TMEM223: variants seen among roughly 807,000 people sequenced by gnomAD.
TMEM223 encodes the protein transmembrane protein 223.
In TMEM223, 14 loss-of-function variants were observed where a neutral mutation model predicts 14.1. The observed-to-expected ratio is 0.99, with a 90% confidence interval of 0.66 to 1.55. The LOEUF is 1.55. Ranked by LOEUF, TMEM223 falls within the 40% of genes most tolerant of loss-of-function variation. TMEM223 has a pLI of 0.00. For synonymous variants in TMEM223, 145 were observed against 120.5 expected (o/e 1.20, Z -1.33); for missense variants, 346 against 269.9 (o/e 1.28, Z -1.97).
chr11:62,783,481 C>CAA (rs1038569482), downstream of TMEM223, among the ~76,000 whole-genome samples: 5 of 72,280 alleles, frequency 6.9e-5, no homozygotes, highest in Non-Finnish European at 1.1e-4. Context: ...GACTCTGTCT[C>CAA]AAAAAAAAAA....
At chr11:62,786,650 G>C, downstream of TMEM223, 2 of 1,605,056 alleles carry the variant, frequency 1.2e-6, no homozygotes, top group Non-Finnish European at 1.7e-6. Context: ...TCGTCCTCCG[G>C]GGGCGGTGCA....
At chr11:62,789,237 G>T, downstream of TMEM223, 1 of 1,613,874 alleles carries the variant, frequency 6.2e-7, no homozygotes. Flanking sequence ...GAGGGCCAGG[G>T]GCTGAGGTAG....
At position 62,790,441 on chromosome 11, in the gene TMEM223, G is replaced by GTT. The variant is rs370883948; in HGVS notation, c.*180_*181dup. On this transcript the variant is annotated 3_prime_UTR_variant, in exon 2 of 2. Transcript: ENST00000307366. The stretch of plus-strand genomic sequence containing the variant: ...CATTCTAAGATTGGCGTTTTTTTTT[G>GTT]TTTTTTTTTTTGTAAATAGAGACAA... The GTT allele has an allele frequency of 2.9e-3, 1,300 of 450,088 alleles. No homozygotes were observed. Among genetic ancestry groups the GTT allele is most frequent in the South Asian group, 4.7e-3 (146 of 30,912 alleles). 27.9% of individuals were successfully genotyped at this position (450,088 alleles called of 1,614,324 possible).
At chr11:62,780,902 A>G (rs1391308255) in intron 1 of TMEM223, among the ~76,000 whole-genome samples, 1 of 143,046 alleles carries the variant, frequency 7.0e-6, no homozygotes, top group Non-Finnish European at 1.5e-5. Flanking sequence ...GCGCCACCGC[A>G]CTCCAGCCTG....
In TMEM223 at chr11:62,791,722, G is replaced by A. The variant is rs1013998907; in HGVS notation, c.273C>T (p.Ser91=). 6.4e-7 allele frequency: 1 copy of A among 1,553,252 alleles called. No individual in the cohort carries two copies. The highest frequency in any genetic ancestry group is 8.7e-7 in the Non-Finnish European group (1 of 1,148,282). Residue 91 remains serine (S), a synonymous_variant, in exon 1 of 2, where the codon TCC becomes TCT. Coordinates refer to ENST00000307366, the MANE Select transcript of TMEM223 (RefSeq NM_001080501.3). ...CGGCCAGACCGTAGCGCCAGAGCGC[G>A]GAGCGCAGGTCGAAGGGGCCACGAT... ...VPNRGPFDLR[S]ALWRYGLAVG...
chr11:62,776,144 C>T (rs1483019163), intron 1 of TMEM223, among the ~76,000 whole-genome samples: 1 of 152,150 alleles, frequency 6.6e-6, no homozygotes, highest in East Asian at 1.9e-4. Flanking sequence ...TCACAACAGC[C>T]CTGTTGGGCA....
At chr11:62,784,811 C>T (rs2084258239), downstream of TMEM223, among the ~76,000 whole-genome samples, 1 of 152,116 alleles carries the variant, frequency 6.6e-6, no homozygotes. Context: ...TTTTATTGGA[C>T]TGTAATGCAT....
chr11:62,777,917 G>A (rs1374515615), intron 1 of TMEM223: 1 of 1,584,260 alleles, frequency 6.3e-7, no homozygotes, highest in Non-Finnish European at 8.6e-7. Flanking sequence ...GCCTCATCCT[G>A]GATCCTGACG....
rs765532603 is a variant in TMEM223 at position 62,791,953 on chromosome 11, G to T, written c.42C>A (p.Ala14=). The T allele has an allele frequency of 1.9e-6, 3 of 1,582,768 alleles. No homozygotes were observed. Among genetic ancestry groups the T allele is most frequent in the Non-Finnish European group, 2.6e-6 (3 of 1,164,058 alleles). Residue 14 remains alanine (A), a synonymous_variant, in exon 1 of 2, where the codon GCC becomes GCA. Coordinates refer to ENST00000307366, the MANE Select transcript of TMEM223 (RefSeq NM_001080501.3). ...PWRRWPTGLL[A]VLRPLLTCRP... is the part of the protein sequence containing the mutation. ...GGCAGGTGAGCAGGGGCCGCAGCAC[G>T]GCTAGCAGCCCCGTGGGCCATCGCC...
At chr11:62,782,319 C>G (rs1225393355) in intron 1 of TMEM223, 1 of 1,613,668 alleles carries the variant, frequency 6.2e-7, no homozygotes, top group East Asian at 2.2e-5. Flanking sequence ...CCCTCCTGCT[C>G]AGCCACATCT....
At chr11:62,786,626 T>G (rs772395054), downstream of TMEM223, 27 of 1,601,844 alleles carry the variant, frequency 1.7e-5, no homozygotes, top group Non-Finnish European at 2.2e-5. Flanking sequence ...TGGGACAGCC[T>G]TCTCTTTCAA....
chr11:62,790,698 G>A lies in TMEM223; in HGVS notation c.534C>T (p.Phe178=), dbSNP rs2084350540. The A allele has an allele frequency of 6.8e-6, 11 of 1,612,146 alleles. No homozygotes were observed. Among genetic ancestry groups the A allele is most frequent in the Non-Finnish European group, 9.3e-6 (11 of 1,179,038 alleles). ...PLKVKGRRFY[F]LLDKTGHFPN... Reference sequence around the variant, plus strand: ...GGAAGTGTCCAGTTTTGTCCAAGAGGAAATAGAAGCGTCGGCCTTTGACTT... The same window carrying A: ...GGAAGTGTCCAGTTTTGTCCAAGAGAAAATAGAAGCGTCGGCCTTTGACTT... Residue 178 remains phenylalanine (F), a synonymous_variant, in exon 2 of 2, where the codon TTC becomes TTT. Transcript: ENST00000307366.
At chr11:62,787,151 G>T (rs755464500), downstream of TMEM223, 2 of 1,573,632 alleles carry the variant, frequency 1.3e-6, no homozygotes, top group East Asian at 4.7e-5. Context: ...CGCTGCCGCG[G>T]GCGCCTTTTC....
chr11:62,778,591 A>AC, intron 1 of TMEM223: 1 of 614,938 alleles, frequency 1.6e-6, no homozygotes, highest in African/African-American at 1.8e-5. Context: ...GCGGTGTTTC[A>AC]CCCCCAGGGT....
At chr11:62,785,207 T>C (rs929869094), downstream of TMEM223, among the ~76,000 whole-genome samples, 1 of 151,816 alleles carries the variant, frequency 6.6e-6, no homozygotes, top group Non-Finnish European at 1.5e-5. Context: ...TTTTTTTTTT[T>C]TCGAGACAGA....
At chr11:62,779,080 G>C (rs375562800) in intron 1 of TMEM223, 1 of 827,280 alleles carries the variant, frequency 1.2e-6, no homozygotes. Context: ...GAGTGCAATG[G>C]CATGATCTCA....
chr11:62,774,031 A>G (rs550696468), intron 2 of TMEM223, among the ~76,000 whole-genome samples: 85 of 152,216 alleles, frequency 5.6e-4, no homozygotes, highest in Middle Eastern at 3.4e-3. Flanking sequence ...TTGCAGAAGT[A>G]GGCAGTACAT....
chr11:62,785,345 CCAT>C (rs2084262727), downstream of TMEM223, among the ~76,000 whole-genome samples: 1 of 151,694 alleles, frequency 6.6e-6, no homozygotes. Context: ...GCGCTCACCA[CCAT>C]ACCTGGCTAA....
At chr11:62,779,181 C>T (rs764448998) in intron 1 of TMEM223, among the ~76,000 whole-genome samples, 40 of 151,830 alleles carry the variant, frequency 2.6e-4, no homozygotes, top group Non-Finnish European at 4.6e-4. Context: ...CCAGCATGCC[C>T]GGCTAATTTT....
Sources: gnomAD v4.1 joint callset for allele counts (sites outside exome capture counted in the v4.1 genomes callset) on GRCh38, gnomAD v4.1.1 for gene constraint, MANE v1.5 for transcripts, NCBI Gene and HGNC (gene_info 2026-07-23, HGNC 2026-07-21) for gene names.